PPRC1: variants seen among roughly 807,000 people sequenced by gnomAD.
PPRC1 encodes the protein peroxisome proliferator-activated receptor gamma coactivator-related protein 1.
In PPRC1, 23 loss-of-function variants were observed where a neutral mutation model predicts 132.5. The observed-to-expected ratio is 0.17, with a 90% CI of 0.12 to 0.25. The LOEUF (loss-of-function observed/expected upper bound fraction) is 0.25. PPRC1 is among the 10% of genes least tolerant of loss of function. The pLI is 1.00. For missense variants in PPRC1, 2,006 were observed against 2,089.1 expected (o/e 0.96, Z 0.78); for synonymous variants, 872 against 833.5 (o/e 1.05, Z -0.80).
chr10:102,123,620 C>T, the PPRC1 span, among the ~76,000 whole-genome samples: 1 of 152,136 alleles, frequency 6.6e-6, no homozygotes, highest in Non-Finnish European at 1.5e-5. Flanking sequence ...CTCCACCTCT[C>T]CAGTTCAAGC....
rs1564941497 is a variant in PPRC1 at position 102,140,675 on chromosome 10, A to T, written c.2167A>T (p.Ile723Phe). The T allele has an allele frequency of 1.2e-6, 2 of 1,614,082 alleles. No individual in the cohort carries two copies. The highest frequency in any genetic ancestry group is 1.7e-6 in the Non-Finnish European group (2 of 1,180,024). The change falls in exon 5 of 14, where the codon ATC (isoleucine) becomes TTC (phenylalanine). Residue 723 changes from isoleucine to phenylalanine, a missense_variant. This residue lies in a region of PPRC1 where 1,914 missense variants were observed against 1,917.2 expected (regional missense o/e 1.00). Transcript: ENST00000278070. The part of the protein sequence containing the change: ...SESLDPPKTI[I>F]PEVKEVVDSL... ...GTCCTTGGACCCACCAAAGACCATC[A>T]TCCCTGAAGTCAAAGAGGTTGTGGA...
rs143491284 is a variant in PPRC1, at chr10:102,146,754, T to G, written c.3762T>G (p.Pro1254=). The part of the protein sequence containing the change: ...AVSLLAKAKS[P]KSTAQEGTLK... ...CACTGCTGGCCAAAGCCAAATCTCC[T>G]AAGTCCACCGCCCAGGAGGGAACCC... Residue 1254 remains proline (P), a synonymous_variant, in exon 9 of 14, where the codon CCT becomes CCG. Coordinates refer to ENST00000278070, the MANE Select transcript of PPRC1 (RefSeq NM_015062.5). 3.7e-6 allele frequency: 6 copies of G among 1,613,864 alleles called. No individual in the cohort carries two copies. The highest frequency in any genetic ancestry group is 5.1e-6 in the Non-Finnish European group (6 of 1,179,986).
At chr10:102,122,845 C>G in the PPRC1 span, among the ~76,000 whole-genome samples, 1 of 152,200 alleles carries the variant, frequency 6.6e-6, no homozygotes, top group Non-Finnish European at 1.5e-5. Context: ...ATGCCAGGCA[C>G]TGCCCTAGGC....
In PPRC1 at chr10:102,147,315, T is replaced by TTCC. The variant is rs376962432; in HGVS notation, c.4326_4328dup (p.Ser1451dup). On this transcript the variant is annotated inframe_insertion, in exon 9 of 14. Transcript: ENST00000278070. ...GGTCCAACCGGACTAGCGAAGCATC[T>TTCC]TCCTCATCCTCATCATCGTCTTCCT... The TTCC allele has an allele frequency of 5.2e-4, 836 of 1,612,500 alleles. 7 individuals carry two copies. In the African/African-American group the frequency reaches 9.8e-3, roughly 19 times the overall value.
rs377358117 is a variant in PPRC1 at position 102,140,753 on chromosome 10, C to T, written c.2245C>T (p.Arg749Trp). The change falls in exon 5 of 14, where the codon CGG (arginine) becomes TGG (tryptophan). Residue 749 changes from arginine to tryptophan, a missense_variant. By Grantham distance (101) the Arg-to-Trp change is moderately radical. This residue lies in a region of PPRC1 where 1,914 missense variants were observed against 1,917.2 expected (regional missense o/e 1.00). Coordinates refer to ENST00000278070, the MANE Select transcript of PPRC1 (RefSeq NM_015062.5). ...TSATTHEARP[R>W]PLSLSEYRRR... ...TGCTACAACCCATGAAGCCAGACCT[C>T]GGCCTCTCAGCTTATCTGAGTACCG... The T allele has an allele frequency of 1.1e-5, 17 of 1,613,972 alleles. No homozygotes were observed. The highest frequency in any genetic ancestry group is 1.3e-5 in the African/African-American group (1 of 75,010).
upstream of PPRC1, among the ~76,000 whole-genome samples, chr10:102,128,193 G>C (rs2068491472): frequency 6.6e-6 from 1 of 151,462 alleles, no homozygotes; most frequent in African/African-American, 2.4e-5. Context: ...AGGTTGGAAT[G>C]CAGTGGTGCG....
the PPRC1 span, chr10:102,120,203 GC>G: frequency 9.7e-7 from 1 of 1,035,882 alleles, no homozygotes. Flanking sequence ...GCCGCCCGCG[GC>G]CCCCGCTGCG....
chr10:102,127,059 AT>A, the PPRC1 span, among the ~76,000 whole-genome samples: 2,678 of 79,888 alleles, frequency 0.034, 168 homozygotes, highest in African/African-American at 0.05. Context: ...ATATATATAT[AT>A]ATATATATAA....
In PPRC1 at chr10:102,139,167, C is replaced by G; in HGVS notation, c.659C>G (p.Pro220Arg). Residue 220 changes from proline to arginine, a missense_variant, in exon 5 of 14, where the codon CCC becomes CGC. By Grantham distance (103) the Pro-to-Arg change is moderately radical (BLOSUM62 -2). Coordinates refer to ENST00000278070, the MANE Select transcript of PPRC1 (RefSeq NM_015062.5). ...SPPSFLETSS[P>R]KLPSWRPPRS... is the part of the protein sequence containing the mutation. ...CCCTCTTTCTTAGAGACCTCTTCCC[C>G]CAAGCTTCCTAGCTGGAGACCCCCA... The G allele has an allele frequency of 6.2e-7, 1 of 1,613,784 alleles. No homozygotes were observed. Among genetic ancestry groups the G allele is most frequent in the Non-Finnish European group, 8.5e-7 (1 of 1,179,762 alleles).
At chr10:102,121,315 C>A in the PPRC1 span, among the ~76,000 whole-genome samples, 2 of 152,286 alleles carry the variant, frequency 1.3e-5, no homozygotes, top group South Asian at 2.1e-4. Flanking sequence ...CGCCTCCGAC[C>A]CCCCTGCCTG....
the PPRC1 span, among the ~76,000 whole-genome samples, chr10:102,127,019 TCATATATATATATATATATATATATA>T: frequency 2.5e-5 from 2 of 78,884 alleles, no homozygotes; most frequent in African/African-American, 9.8e-5. Context: ...TGGTTTTTTA[TCATATATATATATATATATATATATA>T]TATATATATA....
At position 102,140,410 on chromosome 10, in the gene PPRC1, A is replaced by C; in HGVS notation, c.1902A>C (p.Pro634=). 2 of 1,614,208 alleles carry C rather than the reference A, an allele frequency of 1.2e-6. No homozygotes were observed. The highest frequency in any genetic ancestry group is 8.5e-7 in the Non-Finnish European group (1 of 1,180,036). ...CGGCTGAGCCAGTGCTGATCAACCC[A>C]GTCCTGGCTGACTCAGCAGCAGTTG... ...PLPAEPVLIN[P]VLADSAAVDP... Residue 634 remains proline (P), a synonymous_variant, in exon 5 of 14, where the codon CCA becomes CCC. Transcript: ENST00000278070.
In PPRC1 at chr10:102,147,054, T is replaced by G; in HGVS notation, c.4062T>G (p.Leu1354=). 6.2e-7 allele frequency: 1 copy of G among 1,614,122 alleles called. No homozygotes were observed. Among genetic ancestry groups the G allele is most frequent in the South Asian group, 1.1e-5 (1 of 91,084 alleles). ...GCATAGCTGCCTCCCGGGAGCCGCT[T>G]GATCACAGGACTAGCAGTGAGCAGG... is the stretch of plus-strand genomic sequence containing the variant. ...PPCIAASREP[L]DHRTSSEQAD... is the part of the protein sequence containing the mutation. Residue 1354 remains leucine (L), a synonymous_variant, in exon 9 of 14, where the codon CTT becomes CTG. Coordinates refer to ENST00000278070, the MANE Select transcript of PPRC1 (RefSeq NM_015062.5).
chr10:102,141,986 G>T lies in PPRC1; in HGVS notation c.3478G>T (p.Ala1160Ser), dbSNP rs779873566. Reference sequence around the variant, plus strand: ...TCAGGGTTCTGAAGATGTGGTACAGGCTTTCATCAGTGAGATTGGTGAGTG... The same window carrying T: ...TCAGGGTTCTGAAGATGTGGTACAGTCTTTCATCAGTGAGATTGGTGAGTG... ...RTQGSEDVVQ[A>S]FISEIGIEAS... The change falls in exon 5 of 14, where the codon GCT (alanine) becomes TCT (serine). Residue 1160 changes from alanine to serine, a missense_variant. Ala to Ser is a moderately conservative substitution (Grantham distance 99). This residue lies in a region of PPRC1 where 1,914 missense variants were observed against 1,917.2 expected (regional missense o/e 1.00). Coordinates refer to ENST00000278070, the MANE Select transcript of PPRC1 (RefSeq NM_015062.5). The T allele has an allele frequency of 6.2e-7, 1 of 1,609,824 alleles. No homozygotes were observed. Among genetic ancestry groups the T allele is most frequent in the Non-Finnish European group, 8.5e-7 (1 of 1,177,166 alleles).
At chr10:102,129,016 G>A (rs61874816), upstream of PPRC1, among the ~76,000 whole-genome samples, 1 of 132,914 alleles carries the variant, frequency 7.5e-6, no homozygotes, top group Non-Finnish European at 1.5e-5. Context: ...TGCAAGCTCC[G>A]CCTCCCGGGT....
the PPRC1 span, among the ~76,000 whole-genome samples, chr10:102,125,679 G>A: frequency 6.6e-6 from 1 of 152,140 alleles, no homozygotes; most frequent in Non-Finnish European, 1.5e-5. Context: ...CAAAAAGGCA[G>A]ACAGCAGAAG....
the PPRC1 span, among the ~76,000 whole-genome samples, chr10:102,126,522 G>A: frequency 5.4e-5 from 8 of 148,684 alleles, no homozygotes; most frequent in Admixed American, 2.7e-4. Flanking sequence ...GCGGTGGTGC[G>A]ATCTCAGCTC....
In PPRC1 at chr10:102,140,005, C is replaced by T. The variant is rs766493703; in HGVS notation, c.1497C>T (p.Asn499=). 5 of 1,614,226 alleles carry T rather than the reference C, an allele frequency of 3.1e-6. No homozygotes were observed. The Admixed American group carries it at 6.7e-5, about 22-fold the overall frequency. Residue 499 remains asparagine (N), a synonymous_variant, in exon 5 of 14, where the codon AAC becomes AAT. Coordinates refer to ENST00000278070, the MANE Select transcript of PPRC1 (RefSeq NM_015062.5). ...VGTEVTSQVD[N]LQKQPQEELQ... is the part of the protein sequence containing the mutation. ...CAGAAGTGACCTCTCAGGTAGACAA[C>T]TTGCAGAAACAGCCTCAGGAAGAAC...
chr10:102,135,267 C>T (rs948823018), intron 1 of PPRC1, among the ~76,000 whole-genome samples: 1 of 152,092 alleles, frequency 6.6e-6, no homozygotes, highest in Admixed American at 6.6e-5. Flanking sequence ...GAGAGCATGG[C>T]TTATTGGAGA....
Sources: gnomAD v4.1 joint callset for allele counts (sites outside exome capture counted in the v4.1 genomes callset) on GRCh38, gnomAD v4.1.1 for gene constraint, gnomAD v4.1.1 regional missense constraint, MANE v1.5 for transcripts, NCBI Gene and HGNC (gene_info 2026-07-23, HGNC 2026-07-21) for gene names.